KPNA7: variants seen among roughly 807,000 people sequenced by gnomAD.
KPNA7 encodes karyopherin subunit alpha 7, also known as importin subunit alpha-8.
KPNA7 carries 54 observed loss-of-function variants against 53.7 expected under a neutral mutation model. The observed-to-expected ratio is 1.01, with a 90% CI of 0.81 to 1.26. The LOEUF (loss-of-function observed/expected upper bound fraction) is 1.26, where lower values mean the gene tolerates loss of function less well. Among genes scored for constraint, KPNA7 ranks in the 50% most tolerant of loss-of-function variants. The probability of loss-of-function intolerance (pLI) is 0.00; values close to 1 mark genes in which losing one functional copy is unlikely to be tolerated. For missense variants in KPNA7, 640 were observed against 644.5 expected, an observed-to-expected ratio of 0.99 and a Z score of 0.07; for synonymous variants, 276 against 259.3, an observed-to-expected ratio of 1.06 and a Z score of -0.62.
chr7:99,209,180 A>T (rs1457244764), upstream of KPNA7, among the ~76,000 whole-genome samples: 1 of 151,960 alleles, frequency 6.6e-6, no homozygotes, highest in Non-Finnish European at 1.5e-5. Context: ...AGGCTTTCAC[A>T]CGGTGTGTCT....
chr7:99,159,221 G>T, the KPNA7 span, among the ~76,000 whole-genome samples: 4 of 151,778 alleles, frequency 2.6e-5, no homozygotes, highest in Non-Finnish European at 5.9e-5. Context: ...GGTAGTGCAT[G>T]CCTGTAGTCC....
chr7:99,171,876 G>A (rs934972316), downstream of KPNA7, among the ~76,000 whole-genome samples: 8 of 152,198 alleles, frequency 5.3e-5, no homozygotes, highest in Non-Finnish European at 1.0e-4. Flanking sequence ...GACAATAGAC[G>A]TGTACCAGAG....
Position 99,178,072 on chromosome 7 carries a change from A to C in KPNA7, c.1318-6T>G. 1 of 1,551,180 alleles carries C rather than the reference A, an allele frequency of 6.4e-7. No individual in the cohort carries two copies. The highest frequency in any genetic ancestry group is 8.7e-7 in the Non-Finnish European group (1 of 1,146,752). ...TCAGACCGTTTCTCTGCCGCCTGTGACCAAGTACAAGGGGACATGAGACCC... is the reference window on the plus strand; with the variant it reads ...TCAGACCGTTTCTCTGCCGCCTGTGCCCAAGTACAAGGGGACATGAGACCC... On this transcript the variant is annotated splice_polypyrimidine_tract_variant and splice_region_variant and intron_variant, in intron 9 of 10. Transcript: ENST00000327442.
At chr7:99,201,066 A>G (rs1395834706) in intron 3 of KPNA7, among the ~76,000 whole-genome samples, 1 of 152,250 alleles carries the variant, frequency 6.6e-6, no homozygotes, top group Non-Finnish European at 1.5e-5. Context: ...TACAACATGG[A>G]TGAACTTTGA....
chr7:99,176,721 A>T (rs562799915), intron 10 of KPNA7, among the ~76,000 whole-genome samples: 1 of 152,092 alleles, frequency 6.6e-6, no homozygotes, highest in East Asian at 1.9e-4. Flanking sequence ...CAAAAAAAAT[A>T]CAAAAGTTAG....
intron 2 of KPNA7, among the ~76,000 whole-genome samples, chr7:99,203,917 G>A (rs1039776170): frequency 1.3e-5 from 2 of 152,096 alleles, no homozygotes; most frequent in African/African-American, 4.8e-5. Flanking sequence ...CTCCATGTTG[G>A]CCAGGCTGCT....
intron 1 of KPNA7, among the ~76,000 whole-genome samples, chr7:99,215,836 G>A (rs1483735773): frequency 6.6e-6 from 1 of 152,016 alleles, no homozygotes; most frequent in African/African-American, 2.4e-5. Flanking sequence ...ATAGCCAGGT[G>A]GTTGCTGTAC....
chr7:99,205,728 G>A (rs549319511), intron 2 of KPNA7, among the ~76,000 whole-genome samples: 3 of 151,642 alleles, frequency 2.0e-5, no homozygotes, highest in South Asian at 2.1e-4. Flanking sequence ...GTGCACACCT[G>A]TAATCCCAGC....
chr7:99,183,138 C>T (rs921563200), intron 8 of KPNA7, among the ~76,000 whole-genome samples: 14 of 152,072 alleles, frequency 9.2e-5, no homozygotes, highest in Admixed American at 7.2e-4. Flanking sequence ...TGCCTGTAAT[C>T]CCAGTTAGGA....
rs7806536 is a variant in KPNA7, at chr7:99,199,460, T to A, written c.202-3294A>T. Among the ~76,000 whole-genome samples, 1,082 of 152,272 alleles carry A rather than the reference T, an allele frequency of 7.1e-3. 11 individuals are homozygous for A. Among genetic ancestry groups the A allele is most frequent in the African/African-American group, 0.025 (1,046 of 41,562 alleles). ...AACCCTCACATTCACGGTCAATTGATTTTTTTGACAAAGGTACCAAGACAA... is the reference window on the plus strand; with the variant it reads ...AACCCTCACATTCACGGTCAATTGAATTTTTTGACAAAGGTACCAAGACAA... On this transcript the variant is annotated intron_variant, in intron 3 of 10. Coordinates refer to ENST00000327442, the MANE Select transcript of KPNA7 (RefSeq NM_001145715.3).
At chr7:99,152,547 T>C in the KPNA7 span, among the ~76,000 whole-genome samples, 4 of 152,172 alleles carry the variant, frequency 2.6e-5, no homozygotes, top group African/African-American at 9.7e-5. Context: ...TTGGTGTTTT[T>C]GCTGCTTATC....
At chr7:99,158,606 C>A in the KPNA7 span, among the ~76,000 whole-genome samples, 1 of 152,008 alleles carries the variant, frequency 6.6e-6, no homozygotes, top group Admixed American at 6.6e-5. Flanking sequence ...TGAGTTCAAG[C>A]GATTCTCATG....
chr7:99,203,016 C>CAA (rs1028471315), intron 3 of KPNA7, 90 bp downstream of exon 3: 12 of 1,448,088 alleles, frequency 8.3e-6, no homozygotes, highest in African/African-American at 2.8e-5. Context: ...CGAGAGTTTG[C>CAA]AAGTTCTGAA....
the KPNA7 span, among the ~76,000 whole-genome samples, chr7:99,159,974 G>C: frequency 6.9e-6 from 1 of 145,244 alleles, no homozygotes; most frequent in African/African-American, 2.6e-5. Flanking sequence ...TCTGCTGCTT[G>C]CTTTTCTGAA....
At chr7:99,188,901 T>C (rs543233963) in intron 6 of KPNA7, among the ~76,000 whole-genome samples, 2 of 152,226 alleles carry the variant, frequency 1.3e-5, no homozygotes, top group African/African-American at 4.8e-5. Context: ...AGACTGGTCT[T>C]GAACTCCTGG....
At chr7:99,192,327 C>T (rs567466115) in intron 6 of KPNA7, among the ~76,000 whole-genome samples, 7 of 152,156 alleles carry the variant, frequency 4.6e-5, no homozygotes, top group East Asian at 3.8e-4. Context: ...CTTCCAATGC[C>T]GCAAAGAGAA....
intron 2 of KPNA7, among the ~76,000 whole-genome samples, chr7:99,206,068 G>A (rs1276862377): frequency 6.6e-6 from 1 of 152,176 alleles, no homozygotes; most frequent in Non-Finnish European, 1.5e-5. Context: ...TAACGTTTTA[G>A]CTCCTTGGTA....
chr7:99,205,862 G>A (rs1371336828), intron 2 of KPNA7, among the ~76,000 whole-genome samples: 1 of 152,190 alleles, frequency 6.6e-6, no homozygotes, highest in Admixed American at 6.6e-5. Flanking sequence ...AAAATAAAAA[G>A]ATACAGAGAT....
At chr7:99,171,767 G>C (rs150805534), downstream of KPNA7, among the ~76,000 whole-genome samples, 512 of 152,188 alleles carry the variant, frequency 3.4e-3, no homozygotes, top group South Asian at 5.8e-3. Context: ...AAAATAAAGG[G>C]GAAAACAAGC....
Sources: allele counts gnomAD v4.1 joint callset (sites outside exome capture counted in the v4.1 genomes callset), GRCh38; gene constraint gnomAD v4.1.1; transcripts MANE v1.5; gene names NCBI Gene and HGNC (gene_info 2026-07-23, HGNC 2026-07-21).